Variants in KCTD1 observed in about 807,000 individuals in gnomAD.
KCTD1 encodes the protein potassium channel tetramerization domain containing 1, also known as BTB/POZ domain-containing protein KCTD1.
A neutral mutation model predicts 66.0 loss-of-function variants in KCTD1; 24 were observed. The observed-to-expected ratio is 0.36, with a 90% CI of 0.26 to 0.51. The LOEUF is 0.51. Ranked by LOEUF, KCTD1 falls within the 20% of genes least tolerant of loss-of-function variation. KCTD1 has a pLI of 0.95. For synonymous variants in KCTD1, 511 were observed against 517.2 expected, an observed-to-expected ratio of 0.99 and a Z score of 0.16; for missense variants, 943 against 1,205.2, an observed-to-expected ratio of 0.78 and a Z score of 3.22.
rs1173020587 is a variant in KCTD1 at position 26,546,506 on chromosome 18, T to C, written c.1809+222A>G. On this transcript the variant is annotated intron_variant, in intron 1 of 4. Coordinates refer to ENST00000580059, the MANE Select transcript of KCTD1 (RefSeq NM_001142730.3). The stretch of plus-strand genomic sequence containing the variant: ...AGTTTTTCGCCTTACTGCACAGCAG[T>C]GATTTGTTAGGTAGCATGCCCTCTC... Among the ~76,000 whole-genome samples, 4 of 152,238 alleles carry C rather than the reference T, an allele frequency of 2.6e-5. No homozygotes were observed. In the East Asian group the frequency reaches 7.7e-4, roughly 29 times the overall value.
At chr18:26,633,465 C>T (rs554109807), upstream of KCTD1, among the ~76,000 whole-genome samples, 202 of 152,086 alleles carry the variant, frequency 1.3e-3, no homozygotes, top group African/African-American at 4.0e-3. Flanking sequence ...TTGACCATAT[C>T]GTAAATGTGG....
At chr18:26,482,428 G>A (rs1981696898) in intron 2 of KCTD1, among the ~76,000 whole-genome samples, 2 of 152,088 alleles carry the variant, frequency 1.3e-5, no homozygotes. Flanking sequence ...GATTCTCAGG[G>A]CAATGGAAAC....
At chr18:26,543,199 CAT>C (rs1985056882) in intron 1 of KCTD1, 1 of 152,180 alleles carries the variant, frequency 6.6e-6, no homozygotes, top group Non-Finnish European at 1.5e-5. Flanking sequence ...GGAGAGCAAA[CAT>C]TCTTGCAGTA....
chr18:26,464,982 A>T (rs1036488932), intron 3 of KCTD1, among the ~76,000 whole-genome samples: 6 of 152,176 alleles, frequency 3.9e-5, no homozygotes, highest in African/African-American at 1.2e-4. Context: ...GATTTTGTTT[A>T]TCTTGTCGGG....
intron 1 of KCTD1, among the ~76,000 whole-genome samples, chr18:26,606,496 G>C (rs887843808): frequency 6.6e-6 from 1 of 152,208 alleles, no homozygotes; most frequent in African/African-American, 2.4e-5. Flanking sequence ...CTCGTGACTT[G>C]CTGGGGCAAT....
Position 26,547,441 on chromosome 18 carries a change from G to T in KCTD1, c.1096C>A (p.Arg366Ser). The change falls in exon 1 of 5, where the codon CGC becomes AGC. Residue 366 changes from arginine (R) to serine (S), a missense_variant. Arg to Ser is a moderately radical substitution (Grantham distance 110, BLOSUM62 -1). Coordinates refer to ENST00000580059, the MANE Select transcript of KCTD1 (RefSeq NM_001142730.3). ...TTCTCCTCGTCGCTGCTCTCGGCGC[G>T]CTTCTTGCTCCACGACGACGAGCGC... ...KSRSSSWSKKRAESSDEENLP... is the reference protein window; with the variant it reads ...KSRSSSWSKKSAESSDEENLP... 6.4e-7 allele frequency: 1 copy of T among 1,551,420 alleles called. No homozygotes were observed. The highest frequency in any genetic ancestry group is 2.4e-5 in the East Asian group (1 of 40,924).
At chr18:26,473,408 G>A (rs939415710) in intron 3 of KCTD1, among the ~76,000 whole-genome samples, 3 of 151,222 alleles carry the variant, frequency 2.0e-5, no homozygotes, top group African/African-American at 7.4e-5. Context: ...GGGGCCTGTA[G>A]CAGGGATAGG....
At chr18:26,580,588 T>C (rs934507992) in intron 1 of KCTD1, among the ~76,000 whole-genome samples, 8 of 152,126 alleles carry the variant, frequency 5.3e-5, no homozygotes, top group African/African-American at 1.9e-4. Context: ...GAAGTTCCCA[T>C]TGTTTCTAAA....
chr18:26,476,550 G>A lies in KCTD1; in HGVS notation c.2098C>T (p.Arg700Ter), dbSNP rs1156881153. ...TCAGGAATGAGGAGTTTGGATGTTC[G>A]TAGAAAATTCAAGATATATCTGAAC... ...QMFRYILNFL[R>*]TSKLLIPDDF... The change falls in exon 3 of 5, where the codon CGA becomes TGA. Residue 700 changes from arginine to a stop codon, truncating the protein, a stop_gained. Transcript: ENST00000580059. LOFTEE classifies it high-confidence loss of function. The surrounding 1 kb of genome is among the most constrained non-coding windows in gnomAD (Gnocchi z 4.9). 1 of 1,613,234 alleles carries A rather than the reference G, an allele frequency of 6.2e-7. No homozygotes were observed. Among genetic ancestry groups the A allele is most frequent in the Non-Finnish European group, 8.5e-7 (1 of 1,179,586 alleles).
intron 1 of KCTD1, among the ~76,000 whole-genome samples, chr18:26,538,838 C>T (rs1029974147): frequency 6.6e-6 from 1 of 152,178 alleles, no homozygotes; most frequent in African/African-American, 2.4e-5. Flanking sequence ...GCTCTGGAGT[C>T]TGTTCTTAAC....
At chr18:26,629,262 T>C, upstream of KCTD1, 2 of 967,480 alleles carry the variant, frequency 2.1e-6, no homozygotes, top group South Asian at 4.8e-5. Context: ...AAGCGTAAAA[T>C]TGGGCCAGCC....
intron 1 of KCTD1, among the ~76,000 whole-genome samples, chr18:26,589,574 A>G (rs1020241508): frequency 6.6e-6 from 1 of 152,156 alleles, no homozygotes; most frequent in Non-Finnish European, 1.5e-5. Context: ...CATCACAACA[A>G]TGCTTTCAAA....
intron 2 of KCTD1, among the ~76,000 whole-genome samples, chr18:26,487,121 T>C (rs1055412752): frequency 6.6e-6 from 1 of 152,204 alleles, no homozygotes; most frequent in African/African-American, 2.4e-5. Context: ...TCATTGATGG[T>C]ATCAGTCAAC....
At chr18:26,470,107 C>A (rs1980971009) in intron 3 of KCTD1, among the ~76,000 whole-genome samples, 1 of 152,204 alleles carries the variant, frequency 6.6e-6, no homozygotes, top group African/African-American at 2.4e-5. Flanking sequence ...TCACTCCATT[C>A]ATCTATTTAC....
chr18:26,622,469 A>G (rs932433381), intron 1 of KCTD1, among the ~76,000 whole-genome samples: 1 of 152,174 alleles, frequency 6.6e-6, no homozygotes, highest in Non-Finnish European at 1.5e-5. Flanking sequence ...TGGGTAGCAC[A>G]CTGAATGTCA....
Position 26,554,238 on chromosome 18 carries a change from C to T in KCTD1, c.-15-52988G>A, listed in dbSNP as rs192776682. On this transcript the variant is annotated intron_variant, in intron 1 of 4. Coordinates refer to the KCTD1 transcript ENST00000317932. The stretch of plus-strand genomic sequence containing the variant: ...GAACAATTCAGAAAGAAAGAAAAGA[C>T]GAAAGACAGAGAGAAAGAAAAGAGA... Among the ~76,000 whole-genome samples, 51 of 148,676 alleles carry T rather than the reference C, an allele frequency of 3.4e-4. 1 individual carries two copies. Among genetic ancestry groups the T allele is most frequent in the Middle Eastern group, 6.8e-3 (2 of 292 alleles).
chr18:26,470,746 G>A (rs372540422), intron 3 of KCTD1, among the ~76,000 whole-genome samples: 2 of 152,256 alleles, frequency 1.3e-5, no homozygotes, highest in African/African-American at 2.4e-5. Context: ...TGTGACCACG[G>A]AGAGTCAGGG....
intron 1 of KCTD1, among the ~76,000 whole-genome samples, chr18:26,510,254 A>G (rs951702689): frequency 3.9e-5 from 6 of 152,254 alleles, no homozygotes; most frequent in South Asian, 2.1e-4. Context: ...GACAAAGTGT[A>G]TGAAAGGAAG....
At chr18:26,521,973 T>C (rs1306072781) in intron 1 of KCTD1, among the ~76,000 whole-genome samples, 1 of 151,936 alleles carries the variant, frequency 6.6e-6, no homozygotes, top group East Asian at 1.9e-4. Context: ...CATACCTCAA[T>C]AAAGGTGACT....
Sources: gnomAD v4.1 joint callset for allele counts (sites outside exome capture counted in the v4.1 genomes callset) on GRCh38, gnomAD v4.1.1 for gene constraint, Gnocchi (gnomAD v3.1) non-coding constraint, MANE v1.5 for transcripts, NCBI Gene and HGNC (gene_info 2026-07-23, HGNC 2026-07-21) for gene names.